The following CCDC93 variants were observed in gnomAD, a reference collection of about 807,000 sequenced individuals.
CCDC93 encodes the protein coiled-coil domain-containing protein 93.
Under a neutral mutation model 108.2 loss-of-function variants are expected in CCDC93, and 61 were observed. The ratio of observed to expected loss-of-function variants is 0.56; its 90% CI spans 0.46 to 0.70. The LOEUF is 0.70. CCDC93 is among the 30% of genes least tolerant of loss of function. The pLI, the probability that CCDC93 is intolerant of heterozygous loss-of-function variation, is 0.00. For missense variants in CCDC93, 685 were observed against 764.2 expected (o/e 0.90, Z 1.22); for synonymous variants, 276 against 260.4 (o/e 1.06, Z -0.58).
intron 12 of CCDC93, among the ~76,000 whole-genome samples, chr2:117,956,745 T>G (rs1679229006): frequency 6.6e-6 from 1 of 152,188 alleles, no homozygotes; most frequent in South Asian, 2.1e-4. Flanking sequence ...AACCAACCTA[T>G]TATTTGTTCA....
chr2:118,001,631 A>T (rs1478992229), intron 3 of CCDC93, among the ~76,000 whole-genome samples: 1 of 93,408 alleles, frequency 1.1e-5, no homozygotes, highest in African/African-American at 4.8e-5. Context: ...ATAGAAGACC[A>T]CAAGGTGGGA....
intron 4 of CCDC93, chr2:117,997,549 C>T (rs1319990346): frequency 6.6e-6 from 1 of 152,216 alleles, no homozygotes; most frequent in Non-Finnish European, 1.5e-5. Context: ...TGTTTGTTCA[C>T]AAAGCGCAGC....
At chr2:118,000,408 C>T (rs74954172) in intron 4 of CCDC93, among the ~76,000 whole-genome samples, 2,726 of 152,086 alleles carry the variant, frequency 0.018, 69 homozygotes, top group African/African-American at 0.06. Flanking sequence ...GAACTAGCAA[C>T]GCAAAAGCAC....
chr2:118,013,968 G>A lies in CCDC93; in HGVS notation c.28C>T (p.Gln10Ter). The change falls in exon 1 of 24, where the codon CAG becomes TAG. Residue 10 changes from glutamine (Q) to a stop codon, truncating the protein, a stop_gained. Coordinates refer to ENST00000376300, the MANE Select transcript of CCDC93 (RefSeq NM_019044.5). LOFTEE classifies it high-confidence loss of function. Reference sequence around the variant, plus strand: ...GGCGTTCTTACCTCCGGGAGACCCTGGCCCTCCGGCCCCCTGGGCAACCCC... The same window carrying A: ...GGCGTTCTTACCTCCGGGAGACCCTAGCCCTCCGGCCCCCTGGGCAACCCC... MGLPRGPEG[Q>*]GLPEVETRED... The A allele has an allele frequency of 6.3e-7, 1 of 1,594,926 alleles. No individual in the cohort carries two copies. The highest frequency in any genetic ancestry group is 1.3e-5 in the African/African-American group (1 of 74,314).
chr2:117,958,302 G>A, intron 12 of CCDC93, 63 bp downstream of exon 12: 1 of 1,071,604 alleles, frequency 9.3e-7, no homozygotes, highest in South Asian at 1.3e-5. Context: ...CCCCGTTCTG[G>A]AATCTCCTTT....
chr2:118,001,105 G>T, intron 3 of CCDC93, 173 bp from the exon 4 acceptor site: 1 of 564,612 alleles, frequency 1.8e-6, no homozygotes, highest in Non-Finnish European at 3.2e-6. Flanking sequence ...AGCACAATTT[G>T]GTGGTGTGTA....
At chr2:117,985,389 A>G in intron 7 of CCDC93, 9 of 868,488 alleles carry the variant, frequency 1.0e-5, no homozygotes, top group East Asian at 1.2e-4. Context: ...ACTTACTCAC[A>G]TCAAGGAATC....
chr2:117,933,250 C>A (rs1451619743), intron 22 of CCDC93, among the ~76,000 whole-genome samples: 1 of 152,228 alleles, frequency 6.6e-6, no homozygotes, highest in Non-Finnish European at 1.5e-5. Flanking sequence ...TCTATAGTAG[C>A]TGCTCAATAA....
chr2:118,006,685 T>C, intron 3 of CCDC93, 37 bp downstream of exon 3: 1 of 1,272,544 alleles, frequency 7.9e-7, no homozygotes, highest in South Asian at 1.2e-5. Context: ...GTTAGTTCCC[T>C]TCTCCCCACC....
chr2:117,992,854 C>A (rs998196545), intron 6 of CCDC93, among the ~76,000 whole-genome samples: 32 of 151,304 alleles, frequency 2.1e-4, no homozygotes, highest in Non-Finnish European at 3.2e-4. Context: ...TTCTCTGCAA[C>A]CACATTACCA....
intron 7 of CCDC93, among the ~76,000 whole-genome samples, 173 bp downstream of exon 7, chr2:117,985,796 G>T (rs762801306): frequency 1.4e-4 from 22 of 152,158 alleles, no homozygotes; most frequent in Non-Finnish European, 3.1e-4. Flanking sequence ...AATTGCAAAG[G>T]ATGCCCACAG....
At chr2:118,001,402 T>C (rs1680848000) in intron 3 of CCDC93, among the ~76,000 whole-genome samples, 1 of 151,674 alleles carries the variant, frequency 6.6e-6, no homozygotes, top group Non-Finnish European at 1.5e-5. Context: ...ACATGAAACA[T>C]GGAGCCCCAT....
At chr2:117,921,510 G>C (rs1677869571) in intron 23 of CCDC93, 1 of 152,174 alleles carries the variant, frequency 6.6e-6, no homozygotes, top group Non-Finnish European at 1.5e-5. Flanking sequence ...AAAAGTGGTA[G>C]CAGAAAGGGC....
intron 11 of CCDC93, among the ~76,000 whole-genome samples, chr2:117,960,045 CTA>C (rs1391772959): frequency 2.6e-5 from 4 of 152,148 alleles, no homozygotes; most frequent in African/African-American, 4.8e-5. Context: ...CTGAACTATG[CTA>C]TTAATTTGGC....
At position 117,952,415 on chromosome 2, in the gene CCDC93, G is replaced by C. The variant is rs1422185731; in HGVS notation, c.1026C>G (p.Ser342Arg). The C allele has an allele frequency of 6.2e-7, 1 of 1,613,056 alleles. No homozygotes were observed. Among genetic ancestry groups the C allele is most frequent in the African/African-American group, 1.3e-5 (1 of 74,884 alleles). ...TGGCTTCATTATATCTGGCTTGTAG[G>C]CTGGTGTGACTTGCTCGCAGCTGTA... ...HLEELRASHT[S>R]LQARYNEAKK... Residue 342 changes from serine (S) to arginine (R), a missense_variant, in exon 13 of 24, where the codon AGC becomes AGG. Transcript: ENST00000376300.
At position 117,946,589 on chromosome 2, in the gene CCDC93, C is replaced by T. The variant is rs538748856; in HGVS notation, c.1296+222G>A. On this transcript the variant is annotated intron_variant, in intron 16 of 23. Coordinates refer to ENST00000376300, the MANE Select transcript of CCDC93 (RefSeq NM_019044.5). The stretch of plus-strand genomic sequence containing the variant: ...GCCAGAATTGTGTAATCTGGTAATT[C>T]GTGTCTGGGTTGCTGCCTTCCACAC... Among the ~76,000 whole-genome samples the T allele has an allele frequency of 3.9e-5, 6 of 152,250 alleles. No homozygotes were observed. In the South Asian group the frequency reaches 8.3e-4, roughly 21 times the overall value.
intron 8 of CCDC93, 119 bp downstream of exon 8, chr2:117,977,875 G>C: frequency 1.1e-6 from 1 of 870,080 alleles, no homozygotes; most frequent in Admixed American, 2.0e-5. Context: ...GCCAAAGGCA[G>C]CTCACACATC....
At chr2:117,973,474 CTT>C (rs1327084561) in intron 11 of CCDC93, among the ~76,000 whole-genome samples, 2 of 150,270 alleles carry the variant, frequency 1.3e-5, no homozygotes, top group Non-Finnish European at 3.0e-5. Flanking sequence ...ATTCTATACT[CTT>C]TTAATAAAGT....
At chr2:117,997,816 G>A (rs188575614) in intron 4 of CCDC93, 9 of 152,270 alleles carry the variant, frequency 5.9e-5, no homozygotes, top group Admixed American at 5.2e-4. Context: ...TAAGGCAGTT[G>A]GCTCATTGCT....
Sources: gnomAD v4.1 joint callset for allele counts (sites outside exome capture counted in the v4.1 genomes callset) on GRCh38, gnomAD v4.1.1 for gene constraint, MANE v1.5 for transcripts, NCBI Gene and HGNC (gene_info 2026-07-23, HGNC 2026-07-21) for gene names.